The following VPS13D variants were observed in gnomAD, a reference collection of about 807,000 sequenced individuals.
The protein encoded by VPS13D is intermembrane lipid transfer protein VPS13D.
In VPS13D, 187 loss-of-function variants were observed where a neutral mutation model predicts 461.9. The observed-to-expected ratio is 0.40, with a 90% CI of 0.36 to 0.46. The LOEUF is 0.46. Ranked by LOEUF, VPS13D falls within the 20% of genes least tolerant of loss-of-function variation. The pLI, the probability that VPS13D is intolerant of heterozygous loss-of-function variation, is 0.60. For synonymous variants in VPS13D, 1,951 were observed against 1,986.3 expected (o/e 0.98, Z 0.47); for missense variants, 4,711 against 5,364.9 (o/e 0.88, Z 3.81).
intron 65 of VPS13D, among the ~76,000 whole-genome samples, chr1:12,428,399 C>A (rs1644952368): frequency 6.6e-6 from 1 of 152,206 alleles, no homozygotes; most frequent in Non-Finnish European, 1.5e-5. Context: ...CAGTGCCATT[C>A]CTAAGAACAA....
intron 67 of VPS13D, among the ~76,000 whole-genome samples, chr1:12,460,609 G>A (rs1370872699): frequency 1.3e-5 from 2 of 149,966 alleles, no homozygotes; most frequent in Non-Finnish European, 3.0e-5. Context: ...TATATATATA[G>A]CATATTTTAT....
intron 65 of VPS13D, among the ~76,000 whole-genome samples, chr1:12,432,795 A>G (rs1402269995): frequency 6.6e-6 from 1 of 151,834 alleles, no homozygotes; most frequent in Non-Finnish European, 1.5e-5. Flanking sequence ...GGGTTTCTCT[A>G]TGTTGCTCAG....
intron 50 of VPS13D, among the ~76,000 whole-genome samples, chr1:12,360,536 C>T (rs368469905): frequency 1.9e-4 from 29 of 152,158 alleles, no homozygotes; most frequent in African/African-American, 5.8e-4. Context: ...GTTCAGAGTA[C>T]CCTAGACTCT....
intron 67 of VPS13D, among the ~76,000 whole-genome samples, chr1:12,484,113 TC>T (rs1645762867): frequency 6.6e-6 from 1 of 152,256 alleles, no homozygotes; most frequent in Non-Finnish European, 1.5e-5. Context: ...AGTATTTCTT[TC>T]CACCAGTTCC....
At position 12,369,079 on chromosome 1, in the gene VPS13D, A is replaced by AT. The variant is rs567211630; in HGVS notation, c.10573-381dup. 4.1e-4 allele frequency among the ~76,000 whole-genome samples: 62 copies of AT among 152,188 alleles called. 2 individuals carry two copies. The South Asian group carries it at 0.012, about 29-fold the overall frequency. The stretch of plus-strand genomic sequence containing the variant: ...TCTGTAGCCAAATTCCAAAATACTT[A>AT]TTTTTTTCTGTATTCAAAATATATC... On this transcript the variant is annotated intron_variant, in intron 53 of 69. Transcript: ENST00000620676.
Position 12,478,530 on chromosome 1 carries a change from G to A in VPS13D, c.12662+18134G>A, listed in dbSNP as rs116033964. ...ACAGGGCAAAAGTTTATAAAGAGTC[G>A]AGGCTGTCCTGTTTAACCCTCTCAC... On this transcript the variant is annotated intron_variant, in intron 67 of 69. Coordinates refer to ENST00000620676, the MANE Select transcript of VPS13D (RefSeq NM_015378.4). 1,252 of 294,554 alleles carry A rather than the reference G, an allele frequency of 4.3e-3. 7 individuals are homozygous for A. The highest frequency in any genetic ancestry group is 5.7e-3 in the African/African-American group (262 of 46,228). The allele number at this position is 294,554 out of a possible 1,614,324, so 18.2% of individuals were successfully genotyped here. A position where few individuals can be genotyped will look rare whatever the true frequency, so the allele number is the denominator to read the frequency against.
chr1:12,236,403 C>T (rs112848910), intron 2 of VPS13D, among the ~76,000 whole-genome samples: 9 of 151,898 alleles, frequency 5.9e-5, no homozygotes, highest in African/African-American at 2.2e-4. Flanking sequence ...TTTTTTGAGA[C>T]AGGGTTTCTT....
chr1:12,389,787 G>C (rs779670280), intron 60 of VPS13D, among the ~76,000 whole-genome samples: 2 of 152,166 alleles, frequency 1.3e-5, no homozygotes, highest in Non-Finnish European at 2.9e-5. Flanking sequence ...CTTCCTTCCT[G>C]AGGGGTCTGG....
At chr1:12,419,609 A>G (rs1644837523) in intron 65 of VPS13D, among the ~76,000 whole-genome samples, 1 of 152,064 alleles carries the variant, frequency 6.6e-6, no homozygotes, top group South Asian at 2.1e-4. Context: ...CATACTTTTA[A>G]ACAGCCAGAT....
At chr1:12,253,953 C>T (rs1640825706) in intron 7 of VPS13D, 127 bp downstream of exon 7, 6 of 691,962 alleles carry the variant, frequency 8.7e-6, no homozygotes, top group Non-Finnish European at 1.0e-5. Flanking sequence ...CCTCTAAAGC[C>T]ATTCACTCTC....
intron 16 of VPS13D, among the ~76,000 whole-genome samples, chr1:12,270,051 A>T (rs1641392143): frequency 6.6e-6 from 1 of 152,178 alleles, no homozygotes; most frequent in East Asian, 1.9e-4. Flanking sequence ...GCTACTCGGG[A>T]GGCTGAGGCA....
At position 12,354,024 on chromosome 1, in the gene VPS13D, A is replaced by T. The variant is rs1195575050; in HGVS notation, c.9482A>T (p.Asn3161Ile). 1.2e-6 allele frequency: 2 copies of T among 1,614,178 alleles called. No homozygotes were observed. Among genetic ancestry groups the T allele is most frequent in the South Asian group, 2.2e-5 (2 of 91,086 alleles). ...AATTATCCAGATTATATGCCCTCAA[A>T]CATATTTTCTGACAGTGCAAAACAG... Reference protein sequence around the residue: ...KENYPDYMPSNIFSDSAKQIF... With the variant: ...KENYPDYMPSIIFSDSAKQIF... Residue 3161 changes from asparagine to isoleucine, a missense_variant, in exon 47 of 70, where the codon AAC (asparagine) becomes ATC (isoleucine). Asn to Ile is a moderately radical substitution (Grantham distance 149, BLOSUM62 -3). Transcript: ENST00000620676.
At chr1:12,241,721 G>T (rs1052568288) in intron 2 of VPS13D, among the ~76,000 whole-genome samples, 2 of 152,220 alleles carry the variant, frequency 1.3e-5, no homozygotes, top group Non-Finnish European at 2.9e-5. Flanking sequence ...ACACTTGTAA[G>T]TAGAGGTGCT....
At chr1:12,431,953 C>CTTTA (rs1644997298) in intron 65 of VPS13D, among the ~76,000 whole-genome samples, 1 of 152,160 alleles carries the variant, frequency 6.6e-6, no homozygotes, top group Non-Finnish European at 1.5e-5. Context: ...AGAGATGAAA[C>CTTTA]TTTAATAGAC....
intron 2 of VPS13D, among the ~76,000 whole-genome samples, chr1:12,241,062 T>C (rs1167239766): frequency 1.3e-5 from 2 of 152,076 alleles, no homozygotes; most frequent in East Asian, 3.8e-4. Context: ...TGCCTCAGCC[T>C]CCCCAGTAGC....
intron 54 of VPS13D, among the ~76,000 whole-genome samples, chr1:12,373,115 T>TTTGC (rs1644146859): frequency 7.2e-6 from 1 of 139,014 alleles, no homozygotes; most frequent in Admixed American, 7.3e-5. Flanking sequence ...TTTTTTTTTT[T>TTTGC]TTTTTTTGCT....
chr1:12,251,222 G>C (rs552186000), intron 6 of VPS13D, among the ~76,000 whole-genome samples: 10 of 152,230 alleles, frequency 6.6e-5, no homozygotes, highest in Admixed American at 1.3e-4. Flanking sequence ...TGCCATCCCT[G>C]CTCCTCACCC....
chr1:12,476,840 A>C (rs549880815), intron 67 of VPS13D, among the ~76,000 whole-genome samples: 1 of 152,354 alleles, frequency 6.6e-6, no homozygotes, highest in East Asian at 1.9e-4. Context: ...TAAGATTCGG[A>C]ATGGCAAATT....
rs114795382 is a variant in VPS13D, at chr1:12,248,490, G to A, written c.448-733G>A. Among the ~76,000 whole-genome samples the A allele has an allele frequency of 8.8e-3, 1,333 of 152,032 alleles. 9 individuals are homozygous for A. Among genetic ancestry groups the A allele is most frequent in the Non-Finnish European group, 0.013 (870 of 67,986 alleles). Reference sequence around the variant, plus strand: ...CCTGAGTAGCTGAGACTGCAGGCTCGTGCCACCATACCTGGCTATTTAAAA... The same window carrying A: ...CCTGAGTAGCTGAGACTGCAGGCTCATGCCACCATACCTGGCTATTTAAAA... On this transcript the variant is annotated intron_variant, in intron 5 of 69. Coordinates refer to ENST00000620676, the MANE Select transcript of VPS13D (RefSeq NM_015378.4).
Sources: allele counts gnomAD v4.1 joint callset (sites outside exome capture counted in the v4.1 genomes callset), GRCh38; gene constraint gnomAD v4.1.1; transcripts MANE v1.5; gene names NCBI Gene and HGNC (gene_info 2026-07-23, HGNC 2026-07-21).